BPIFB4: variants seen among roughly 807,000 people sequenced by gnomAD.
BPIFB4 encodes BPI fold-containing family B member 4.
BPIFB4 carries 62 observed loss-of-function variants against 69.2 expected under a neutral mutation model. That is an observed-to-expected ratio of 0.90 (90% CI 0.73 to 1.11). The LOEUF (loss-of-function observed/expected upper bound fraction) is 1.11, where lower values mean the gene tolerates loss of function less well. BPIFB4 is among the 50% of genes least tolerant of loss of function. The probability of loss-of-function intolerance (pLI) is 0.00; values close to 1 mark genes in which losing one functional copy is unlikely to be tolerated. For missense variants in BPIFB4, 789 were observed against 792.0 expected (o/e 1.00, Z 0.04); for synonymous variants, 330 against 332.7 (o/e 0.99, Z 0.09).
In BPIFB4 at chr20:33,095,075, C is replaced by T. The variant is rs201711959; in HGVS notation, c.1345-25C>T. 40 of 1,594,158 alleles carry T rather than the reference C, an allele frequency of 2.5e-5. 1 individual carries two copies. The highest frequency in any genetic ancestry group is 1.7e-4 in the Middle Eastern group (1 of 6,048). On this transcript the variant is annotated intron_variant, in intron 11 of 17. Coordinates refer to ENST00000375483, the MANE Select transcript of BPIFB4 (RefSeq NM_182519.3). ...CTGTACCGATAGCCTCCAGGATTCA[C>T]GTGGCCCTTCTTCTTGTCCTATAGT... is the stretch of plus-strand genomic sequence containing the variant.
intron 12 of BPIFB4, among the ~76,000 whole-genome samples, chr20:33,095,937 A>T (rs952044726): frequency 2.6e-5 from 4 of 152,152 alleles, no homozygotes; most frequent in Non-Finnish European, 5.9e-5. Flanking sequence ...ATTACCTTGC[A>T]CCTGGAAGCA....
chr20:33,086,661 G>A (rs761932463), intron 7 of BPIFB4, among the ~76,000 whole-genome samples: 1 of 152,190 alleles, frequency 6.6e-6, no homozygotes, highest in African/African-American at 2.4e-5. Context: ...ATGAACGTAC[G>A]TCCAACAGGG....
At chr20:33,088,935 C>G in intron 7 of BPIFB4, 31 bp from the exon 8 acceptor site, 1 of 1,613,036 alleles carries the variant, frequency 6.2e-7, no homozygotes, top group South Asian at 1.1e-5. Context: ...TGGCTGCGAG[C>G]CTTGACCTCA....
chr20:33,110,016 C>T (rs955095010), intron 17 of BPIFB4, among the ~76,000 whole-genome samples: 2 of 152,276 alleles, frequency 1.3e-5, no homozygotes, highest in African/African-American at 2.4e-5. Context: ...CTCCCAGCTC[C>T]CCCTAATGTT....
chr20:33,096,491 T>G (rs1377116536), intron 12 of BPIFB4, among the ~76,000 whole-genome samples: 1 of 152,180 alleles, frequency 6.6e-6, no homozygotes. Flanking sequence ...ACCAGGCTGG[T>G]CTCGAACTCC....
chr20:33,097,585 C>A (rs747184264), intron 12 of BPIFB4, 32 bp from the exon 13 acceptor site: 5 of 1,600,888 alleles, frequency 3.1e-6, no homozygotes, highest in East Asian at 2.2e-5. Context: ...ATGCTAAGGG[C>A]CCTGTCCATC....
intron 10 of BPIFB4, among the ~76,000 whole-genome samples, chr20:33,091,412 G>A (rs1382845398): frequency 1.3e-4 from 20 of 152,232 alleles, no homozygotes; most frequent in Non-Finnish European, 2.9e-5. Context: ...GAGGTGGTAT[G>A]AGCTGGCTCC....
chr20:33,111,104 C>T (rs749545419), intron 17 of BPIFB4, among the ~76,000 whole-genome samples: 7 of 152,114 alleles, frequency 4.6e-5, no homozygotes, highest in Non-Finnish European at 1.0e-4. Context: ...GCGTAAGCCA[C>T]CACGCCTGGC....
Position 33,107,787 on chromosome 20 carries a change from C to A in BPIFB4, c.1788C>A (p.Ile596=), listed in dbSNP as rs141087913. 1 of 1,613,996 alleles carries A rather than the reference C, an allele frequency of 6.2e-7. No homozygotes were observed. Among genetic ancestry groups the A allele is most frequent in the Non-Finnish European group, 8.5e-7 (1 of 1,179,968 alleles). ...SGVPLPKILN[I]DFSNADIDVL... is the part of the protein sequence containing the mutation. ...TCCCTCTCCCCAAAATCCTCAACATCGACTTTAGCAATGCAGACATTGACG... is the reference window on the plus strand; with the variant it reads ...TCCCTCTCCCCAAAATCCTCAACATAGACTTTAGCAATGCAGACATTGACG... Residue 596 remains isoleucine, a synonymous_variant, in exon 17 of 18, where the codon ATC becomes ATA. Transcript: ENST00000375483.
chr20:33,111,470 A>G lies in BPIFB4; in HGVS notation c.*33A>G, dbSNP rs771004703. 1 of 1,613,814 alleles carries G rather than the reference A, an allele frequency of 6.2e-7. No individual in the cohort carries two copies. Among genetic ancestry groups the G allele is most frequent in the Admixed American group, 1.7e-5 (1 of 60,018 alleles). Reference sequence around the variant, plus strand: ...AGGCAGAGATGCTGCTGCAACTGGAAGAAGCTGGAACCAGTCCCAGAGAGG... The same window carrying G: ...AGGCAGAGATGCTGCTGCAACTGGAGGAAGCTGGAACCAGTCCCAGAGAGG... On this transcript the variant is annotated 3_prime_UTR_variant, in exon 18 of 18. Transcript: ENST00000375483.
intron 13 of BPIFB4, among the ~76,000 whole-genome samples, chr20:33,099,297 G>A (rs1981842424): frequency 6.6e-6 from 1 of 152,226 alleles, no homozygotes. Context: ...CAGAGTGTGG[G>A]GGTTCTTGTG....
chr20:33,095,091 G>C lies in BPIFB4; in HGVS notation c.1345-9G>C. 6.2e-7 allele frequency: 1 copy of C among 1,609,336 alleles called. No homozygotes were observed. The highest frequency in any genetic ancestry group is 1.1e-5 in the South Asian group (1 of 90,974). On this transcript the variant is annotated splice_polypyrimidine_tract_variant and intron_variant, in intron 11 of 17. Coordinates refer to ENST00000375483, the MANE Select transcript of BPIFB4 (RefSeq NM_182519.3). ...CAGGATTCACGTGGCCCTTCTTCTTGTCCTATAGTTTGAAGAGCTTCCTCC... is the reference window on the plus strand; with the variant it reads ...CAGGATTCACGTGGCCCTTCTTCTTCTCCTATAGTTTGAAGAGCTTCCTCC...
rs1168142026 is a variant in BPIFB4 at position 33,090,747 on chromosome 20, C to T, written c.1091C>T (p.Thr364Ile). 3 of 1,614,076 alleles carry T rather than the reference C, an allele frequency of 1.9e-6. No homozygotes were observed. Among genetic ancestry groups the T allele is most frequent in the Non-Finnish European group, 2.5e-6 (3 of 1,180,040 alleles). Residue 364 changes from threonine to isoleucine, a missense_variant, in exon 10 of 18, where the codon ACC becomes ATC. Transcript: ENST00000375483. ...GGGATATTGGGAAGTGTCCAGTACA[C>T]CTTCTCCAGCCTCCCGCTTGTGACC... ...PLGILGSVQYTFSSLPLVTGE... is the reference protein window; with the variant it reads ...PLGILGSVQYIFSSLPLVTGE...
chr20:33,106,229 A>G (rs1276063304), intron 16 of BPIFB4, among the ~76,000 whole-genome samples: 1 of 152,130 alleles, frequency 6.6e-6, no homozygotes, highest in African/African-American at 2.4e-5. Context: ...GGCTCTGACA[A>G]TCTGAAAACA....
rs568841790 is a variant in BPIFB4, at chr20:33,087,853, G to C, written c.927-1113G>C. ...CCCGTCAAGGTGAATCCACTTAAAAGGGGGACCGAAATGCATAGTTAGCTT... is the reference window on the plus strand; with the variant it reads ...CCCGTCAAGGTGAATCCACTTAAAACGGGGACCGAAATGCATAGTTAGCTT... On this transcript the variant is annotated intron_variant, in intron 7 of 17. Transcript: ENST00000375483. 3.9e-5 allele frequency among the ~76,000 whole-genome samples: 6 copies of C among 152,194 alleles called. No individual in the cohort carries two copies. In the South Asian group the frequency reaches 1.0e-3, roughly 26 times the overall value.
Position 33,081,524 on chromosome 20 carries a change from A to T in BPIFB4, c.-3A>T. 6.4e-7 allele frequency: 1 copy of T among 1,551,670 alleles called. No homozygotes were observed. Among genetic ancestry groups the T allele is most frequent in the Non-Finnish European group, 8.7e-7 (1 of 1,147,002 alleles). ...TTCTCCTCCACAGGGAAGCAGTGCCAGCATGTGGATGGCCTGGTGTGTGGC... is the reference window on the plus strand; with the variant it reads ...TTCTCCTCCACAGGGAAGCAGTGCCTGCATGTGGATGGCCTGGTGTGTGGC... On this transcript the variant is annotated 5_prime_UTR_variant, in exon 3 of 18. Transcript: ENST00000375483.
intron 12 of BPIFB4, 131 bp from the exon 13 acceptor site, chr20:33,097,486 G>A: frequency 1.0e-6 from 1 of 970,274 alleles, no homozygotes; most frequent in Non-Finnish European, 1.5e-6. Context: ...TGGGTCATTG[G>A]CTTTGCCTGT....
chr20:33,085,044 C>T, intron 6 of BPIFB4, 48 bp downstream of exon 6: 1 of 1,582,064 alleles, frequency 6.3e-7, no homozygotes, highest in Non-Finnish European at 8.6e-7. Flanking sequence ...TATGGCCCAA[C>T]CTCTGTATCC....
chr20:33,097,041 C>T (rs1352609646), intron 12 of BPIFB4, among the ~76,000 whole-genome samples: 2 of 152,182 alleles, frequency 1.3e-5, no homozygotes, highest in African/African-American at 4.8e-5. Flanking sequence ...AATCCGGGCT[C>T]GGGGGCAGCC....
Sources: gnomAD v4.1 joint callset for allele counts (sites outside exome capture counted in the v4.1 genomes callset) on GRCh38, gnomAD v4.1.1 for gene constraint, MANE v1.5 for transcripts, NCBI Gene and HGNC (gene_info 2026-07-23, HGNC 2026-07-21) for gene names.